Variants in USP34 observed in about 807,000 individuals in gnomAD.
USP34 encodes ubiquitin carboxyl-terminal hydrolase 34.
In USP34, 70 loss-of-function variants were observed where a neutral mutation model predicts 460.3. The observed-to-expected ratio is 0.15, with a 90% CI of 0.13 to 0.19. The LOEUF (loss-of-function observed/expected upper bound fraction) is 0.19. Among genes scored for constraint, USP34 ranks in the 10% least tolerant of loss-of-function variants. USP34 has a pLI of 1.00. For synonymous variants in USP34, 1,647 were observed against 1,405.3 expected (o/e 1.17, Z -3.85); for missense variants, 3,985 against 4,236.2 (o/e 0.94, Z 1.65).
Position 61,405,974 on chromosome 2 carries a change from C to A in USP34, c.286G>T (p.Asp96Tyr). The change falls in exon 3 of 80, where the codon GAT becomes TAT. Residue 96 changes from aspartate (D) to tyrosine (Y), a missense_variant. Asp to Tyr is a radical substitution (Grantham distance 160, BLOSUM62 -3). This residue lies in a region of USP34 where 331 missense variants were observed against 293.7 expected (regional missense o/e 1.13). Coordinates refer to ENST00000398571, the MANE Select transcript of USP34 (RefSeq NM_014709.4). Reference sequence around the variant, plus strand: ...GGTTCTTCTGCTTGATTACTCTCATCTTGCCACGTGGAATCTATGTTAATG... The same window carrying A: ...GGTTCTTCTGCTTGATTACTCTCATATTGCCACGTGGAATCTATGTTAATG... ...TTINIDSTWQDESNQAEEPLN... is the reference protein window; with the variant it reads ...TTINIDSTWQYESNQAEEPLN... The A allele has an allele frequency of 6.2e-7, 1 of 1,613,650 alleles. No individual in the cohort carries two copies. Among genetic ancestry groups the A allele is most frequent in the East Asian group, 2.2e-5 (1 of 44,804 alleles).
chr2:61,350,774 G>C lies in USP34; in HGVS notation c.1252-81C>G, dbSNP rs1313180290. The C allele has an allele frequency of 1.2e-5, 17 of 1,461,712 alleles. No homozygotes were observed. The South Asian group carries it at 2.5e-4, about 22-fold the overall frequency. 90.5% of individuals were successfully genotyped at this position (1,461,712 alleles called of 1,614,324 possible). On this transcript the variant is annotated intron_variant, in intron 10 of 79. Transcript: ENST00000398571. The stretch of plus-strand genomic sequence containing the variant: ...TACCTGATATAAAAACAGTTTGAAA[G>C]TCAAAAAGTTGGCCAGTACACTAAT...
intron 27 of USP34, among the ~76,000 whole-genome samples, chr2:61,310,337 C>A (rs1310562851): frequency 6.6e-6 from 1 of 151,948 alleles, no homozygotes; most frequent in Non-Finnish European, 1.5e-5. Context: ...TGAAAACAAT[C>A]TAAATGTCCA....
intron 1 of USP34, among the ~76,000 whole-genome samples, chr2:61,442,858 T>C (rs936970495): frequency 1.3e-5 from 2 of 151,510 alleles, no homozygotes; most frequent in African/African-American, 4.9e-5. Context: ...AACCTACGTG[T>C]TCAACGATAG....
Position 61,286,973 on chromosome 2 carries a change from T to C in USP34, c.4749+1704A>G, listed in dbSNP as rs546574359. Among the ~76,000 whole-genome samples the C allele has an allele frequency of 1.2e-4, 18 of 152,328 alleles. 1 individual carries two copies. The South Asian group carries it at 2.1e-3, about 18-fold the overall frequency. On this transcript the variant is annotated intron_variant, in intron 34 of 79. Coordinates refer to ENST00000398571, the MANE Select transcript of USP34 (RefSeq NM_014709.4). ...AAGGATCACAATTAGAGCATTATTA[T>C]AACCTGGAAAGTTTATTCTGAAAAA...
intron 2 of USP34, among the ~76,000 whole-genome samples, chr2:61,419,108 A>G (rs558815449): frequency 5.9e-5 from 9 of 152,274 alleles, no homozygotes; most frequent in Admixed American, 3.9e-4. Flanking sequence ...AGTTTACAGA[A>G]CTTAACTCAT....
intron 70 of USP34, chr2:61,207,130 C>T: frequency 3.2e-6 from 1 of 316,400 alleles, no homozygotes; most frequent in South Asian, 7.1e-5. Flanking sequence ...ATAGTTTAAT[C>T]ACATTTTTTT....
chr2:61,376,583 CG>C (rs1281986988), intron 8 of USP34, among the ~76,000 whole-genome samples: 2 of 152,088 alleles, frequency 1.3e-5, no homozygotes, highest in African/African-American at 4.8e-5. Flanking sequence ...AGCGGTCTCG[CG>C]GAGGTGGAGG....
chr2:61,280,071 C>T (rs1200733772), intron 39 of USP34, among the ~76,000 whole-genome samples, 173 bp downstream of exon 39: 3 of 151,850 alleles, frequency 2.0e-5, no homozygotes, highest in Admixed American at 6.6e-5. Context: ...AGTAAAAACA[C>T]GAAAGGAATT....
At chr2:61,280,139 G>C (rs1689491065) in intron 39 of USP34, 105 bp downstream of exon 39, 2 of 604,646 alleles carry the variant, frequency 3.3e-6, no homozygotes, top group Admixed American at 4.0e-5. Flanking sequence ...CCAAGTTATA[G>C]ATTAATGAAG....
chr2:61,398,417 G>A (rs549103325), intron 3 of USP34, among the ~76,000 whole-genome samples: 94 of 145,442 alleles, frequency 6.5e-4, no homozygotes, highest in African/African-American at 2.1e-3. Flanking sequence ...GAGAGAAGGG[G>A]GGTGAAAGGG....
chr2:61,449,162 G>A (rs552731076), intron 1 of USP34, among the ~76,000 whole-genome samples: 2 of 43,424 alleles, frequency 4.6e-5, no homozygotes, highest in East Asian at 7.4e-4. Flanking sequence ...TGGAGGGACG[G>A]GAGGGACAGG....
chr2:61,315,004 T>C, intron 23 of USP34, 30 bp from the exon 24 acceptor site: 1 of 1,583,042 alleles, frequency 6.3e-7, no homozygotes, highest in Non-Finnish European at 8.6e-7. Flanking sequence ...TATCTCTAAA[T>C]TTTGTTTGTC....
At chr2:61,212,025 T>A (rs1687284314) in intron 68 of USP34, 96 bp from the exon 69 acceptor site, 2 of 1,325,044 alleles carry the variant, frequency 1.5e-6, no homozygotes, top group Admixed American at 3.0e-5. Flanking sequence ...CTCTTAAAAT[T>A]ATACAAATAA....
chr2:61,364,480 A>G (rs527922281), intron 10 of USP34, among the ~76,000 whole-genome samples: 2 of 152,386 alleles, frequency 1.3e-5, no homozygotes, highest in South Asian at 4.1e-4. Context: ...TTTTGCATAC[A>G]GATAGTGGTG....
At chr2:61,241,888 T>C in intron 51 of USP34, 69 bp from the exon 52 acceptor site, 1 of 825,460 alleles carries the variant, frequency 1.2e-6, no homozygotes. Context: ...TATATATAAA[T>C]TATTTCATAA....
intron 69 of USP34, among the ~76,000 whole-genome samples, chr2:61,211,225 A>T (rs1687265247): frequency 6.6e-6 from 1 of 152,240 alleles, no homozygotes. Flanking sequence ...TAGATGTAAT[A>T]CATAGAAGAA....
chr2:61,395,077 A>G (rs1485880137), intron 4 of USP34, 75 bp from the exon 5 acceptor site: 24 of 1,482,220 alleles, frequency 1.6e-5, no homozygotes, highest in Admixed American at 4.7e-5. Context: ...CTGGAAAGAT[A>G]CTGATGAGAA....
At chr2:61,383,532 G>GT (rs1330908823) in intron 5 of USP34, among the ~76,000 whole-genome samples, 196 bp from the exon 6 acceptor site, 1 of 151,948 alleles carries the variant, frequency 6.6e-6, no homozygotes, top group Non-Finnish European at 1.5e-5. Flanking sequence ...GTAAAACCCC[G>GT]TATCTACTAA....
At chr2:61,353,723 T>C (rs958151597) in intron 10 of USP34, among the ~76,000 whole-genome samples, 20 of 152,008 alleles carry the variant, frequency 1.3e-4, no homozygotes, top group Non-Finnish European at 2.4e-4. Flanking sequence ...GACTCACCAC[T>C]CAGCCACTAG....
Sources: gnomAD v4.1 joint callset for allele counts (sites outside exome capture counted in the v4.1 genomes callset) on GRCh38, gnomAD v4.1.1 for gene constraint, gnomAD v4.1.1 regional missense constraint, MANE v1.5 for transcripts, NCBI Gene and HGNC (gene_info 2026-07-23, HGNC 2026-07-21) for gene names.